The following RPGRIP1L variants were observed in gnomAD, a reference collection of about 807,000 sequenced individuals.
RPGRIP1L encodes the protein RPGRIP1 like.
RPGRIP1L carries 131 observed loss-of-function variants against 160.4 expected under a neutral mutation model. That is an observed-to-expected ratio of 0.82 (90% confidence interval 0.71 to 0.94). The LOEUF is 0.94. RPGRIP1L is among the 40% of genes least tolerant of loss of function. The pLI, the probability that RPGRIP1L is intolerant of heterozygous loss-of-function variation, is 0.00. For synonymous variants in RPGRIP1L, 510 were observed against 515.8 expected, an observed-to-expected ratio of 0.99 and a Z score of 0.15; for missense variants, 1,522 against 1,535.8, an observed-to-expected ratio of 0.99 and a Z score of 0.15.
rs3760008 is a variant in RPGRIP1L, at chr16:53,601,339, A to C, written c.*737T>G. The stretch of plus-strand genomic sequence containing the variant: ...TGTAAATTTCACATCTATCTATATA[A>C]CTATCTCCTTTTTATATATACATCC... On this transcript the variant is annotated 3_prime_UTR_variant, in exon 27 of 27. Transcript: ENST00000647211. 58,010 of 152,274 alleles carry C rather than the reference A, an allele frequency of 0.38. 12,814 individuals are homozygous for C. The highest frequency in any genetic ancestry group is 0.6 in the African/African-American group (24,812 of 41,490). The allele number at this position is 152,274 out of a possible 1,614,324, so 9.4% of individuals were successfully genotyped here. A position where few individuals can be genotyped will look rare whatever the true frequency, so the allele number is the denominator to read the frequency against.
chr16:53,661,917 C>A (rs74018182), intron 10 of RPGRIP1L, among the ~76,000 whole-genome samples: 1,693 of 152,176 alleles, frequency 0.011, 17 homozygotes, highest in Middle Eastern at 0.068. Flanking sequence ...TTAGAATTAT[C>A]CACTACATTT....
intron 25 of RPGRIP1L, chr16:53,607,995 C>G: frequency 8.1e-6 from 8 of 984,922 alleles, no homozygotes; most frequent in Non-Finnish European, 9.6e-6. Context: ...GTCTGAGGAC[C>G]TGGATGGACA....
intron 24 of RPGRIP1L, among the ~76,000 whole-genome samples, chr16:53,617,115 C>T (rs1396026638): frequency 1.3e-5 from 1 of 76,658 alleles, no homozygotes; most frequent in Non-Finnish European, 2.4e-5. Flanking sequence ...ACTAACAAAA[C>T]ACCCCAAACA....
At chr16:53,657,415 T>C in intron 13 of RPGRIP1L, 38 bp downstream of exon 13, 5 of 1,368,312 alleles carry the variant, frequency 3.7e-6, no homozygotes, top group Non-Finnish European at 5.2e-6. Flanking sequence ...CAGAATATTA[T>C]AGAAAACTTA....
rs539851526 is a variant in RPGRIP1L at position 53,618,748 on chromosome 16, T to C, written c.3616+277A>G. 3.3e-5 allele frequency among the ~76,000 whole-genome samples: 5 copies of C among 152,232 alleles called. No individual in the cohort carries two copies. In the East Asian group the frequency reaches 9.7e-4, roughly 29 times the overall value. ...TTTTTGTAGAGACGAGGTTTTGCCG[T>C]GTAGCCCAGGCTGGTCTGGAACTCC... is the stretch of plus-strand genomic sequence containing the variant. On this transcript the variant is annotated intron_variant, in intron 24 of 26. Coordinates refer to ENST00000647211, the MANE Select transcript of RPGRIP1L (RefSeq NM_015272.5).
intron 24 of RPGRIP1L, 30 bp from the exon 25 acceptor site, chr16:53,611,081 A>C: frequency 6.8e-7 from 1 of 1,479,146 alleles, no homozygotes; most frequent in Non-Finnish European, 9.4e-7. Flanking sequence ...AATGCCAAAA[A>C]GGAAGTCACT....
intron 24 of RPGRIP1L, among the ~76,000 whole-genome samples, chr16:53,613,659 T>C (rs756052133): frequency 3.9e-5 from 6 of 152,120 alleles, no homozygotes; most frequent in Non-Finnish European, 8.8e-5. Flanking sequence ...ACCATTGAAA[T>C]TGGTTTTAAA....
chr16:53,688,008 G>A, intron 4 of RPGRIP1L, 43 bp from the exon 5 acceptor site: 1 of 1,149,766 alleles, frequency 8.7e-7, no homozygotes, highest in Non-Finnish European at 1.3e-6. Flanking sequence ...ATTGAAGTTA[G>A]AAAAGAAGGA....
chr16:53,648,920 A>C (rs751639047), intron 16 of RPGRIP1L, 44 bp downstream of exon 16: 1 of 1,545,176 alleles, frequency 6.5e-7, no homozygotes, highest in Non-Finnish European at 8.9e-7. Context: ...AAATATTATA[A>C]AATTTCTATG....
intron 9 of RPGRIP1L, among the ~76,000 whole-genome samples, chr16:53,671,012 G>C (rs569876518): frequency 1.3e-5 from 2 of 152,088 alleles, no homozygotes; most frequent in African/African-American, 4.8e-5. Flanking sequence ...TGGGAGGATT[G>C]TTTGAGCCCA....
At chr16:53,691,968 TA>T in intron 4 of RPGRIP1L, 97 bp downstream of exon 4, 1 of 1,141,532 alleles carries the variant, frequency 8.8e-7, no homozygotes, top group African/African-American at 1.5e-5. Flanking sequence ...TAAAGACACT[TA>T]AAAGCATGCG....
chr16:53,665,476 A>C (rs1968163501), intron 9 of RPGRIP1L, among the ~76,000 whole-genome samples: 1 of 152,208 alleles, frequency 6.6e-6, no homozygotes, highest in Non-Finnish European at 1.5e-5. Context: ...AATATTGGCC[A>C]CAAAATGATA....
At chr16:53,609,967 C>T (rs1050122987) in intron 25 of RPGRIP1L, among the ~76,000 whole-genome samples, 3 of 152,020 alleles carry the variant, frequency 2.0e-5, no homozygotes, top group Admixed American at 2.0e-4. Flanking sequence ...CTTTATGGCC[C>T]TCTGGAAAGG....
Position 53,671,604 on chromosome 16 carries a change from C to T in RPGRIP1L, c.1030-21G>A, listed in dbSNP as rs1467639606. ...TGCAGCTAAAATGAAAATAAAATTA[C>T]ATATTAAGTAAATATTATATAAAAC... On this transcript the variant is annotated intron_variant, in intron 8 of 26. Coordinates refer to ENST00000647211, the MANE Select transcript of RPGRIP1L (RefSeq NM_015272.5). 6 of 1,278,244 alleles carry T rather than the reference C, an allele frequency of 4.7e-6. No individual in the cohort carries two copies. In the South Asian group the frequency reaches 7.6e-5, roughly 16 times the overall value. The allele number at this position is 1,278,244 out of a possible 1,614,324, so 79.2% of individuals were successfully genotyped here. A position where few individuals can be genotyped will look rare whatever the true frequency, so the allele number is the denominator to read the frequency against.
At chr16:53,677,359 C>T (rs16952450) in intron 6 of RPGRIP1L, among the ~76,000 whole-genome samples, 3,399 of 152,240 alleles carry the variant, frequency 0.022, 75 homozygotes, top group East Asian at 0.089. Context: ...GTACACCTTT[C>T]CTGGGACAAT....
At chr16:53,670,003 T>C (rs952669171) in intron 9 of RPGRIP1L, among the ~76,000 whole-genome samples, 2 of 152,174 alleles carry the variant, frequency 1.3e-5, no homozygotes, top group Non-Finnish European at 2.9e-5. Context: ...TCTTCTCTAA[T>C]AGGGTACTGT....
chr16:53,668,157 G>A (rs1363413208), intron 9 of RPGRIP1L, among the ~76,000 whole-genome samples: 1 of 151,896 alleles, frequency 6.6e-6, no homozygotes, highest in Non-Finnish European at 1.5e-5. Flanking sequence ...ACTGAAAGAA[G>A]ATGATGCCCC....
At chr16:53,646,606 G>A (rs1049406195) in intron 16 of RPGRIP1L, among the ~76,000 whole-genome samples, 3 of 152,110 alleles carry the variant, frequency 2.0e-5, no homozygotes, top group Middle Eastern at 3.2e-3. Context: ...ACTACTCTAC[G>A]GTTCCTTTGG....
rs547184475 is a variant in RPGRIP1L, at chr16:53,600,103, T to C, written c.*1973A>G. ...TTCTTCTCCCTGCAGAAGGGTTATT[T>C]AGTTTGGGATGTAACATTTTACAAC... On this transcript the variant is annotated 3_prime_UTR_variant, in exon 27 of 27. Coordinates refer to ENST00000647211, the MANE Select transcript of RPGRIP1L (RefSeq NM_015272.5). 3.9e-5 allele frequency: 6 copies of C among 152,714 alleles called. No homozygotes were observed. The South Asian group carries it at 1.0e-3, about 26-fold the overall frequency. The allele number at this position is 152,714 out of a possible 1,614,324, so 9.5% of individuals were successfully genotyped here. A position where few individuals can be genotyped will look rare whatever the true frequency, so the allele number is the denominator to read the frequency against.
Sources: gnomAD v4.1 joint callset for allele counts (sites outside exome capture counted in the v4.1 genomes callset) on GRCh38, gnomAD v4.1.1 for gene constraint, MANE v1.5 for transcripts, NCBI Gene and HGNC (gene_info 2026-07-23, HGNC 2026-07-21) for gene names.